Variants in ASPRV1 observed in about 807,000 individuals in gnomAD.
ASPRV1 encodes retroviral-like aspartic protease 1.
ASPRV1 carries 7 observed loss-of-function variants against 11.0 expected under a neutral mutation model. The ratio of observed to expected loss-of-function variants is 0.64; its 90% CI spans 0.36 to 1.20. The LOEUF (loss-of-function observed/expected upper bound fraction) is 1.20, where lower values mean the gene tolerates loss of function less well. ASPRV1 is among the 50% of genes most tolerant of loss of function. The probability of loss-of-function intolerance (pLI) is 0.02; values close to 1 mark genes in which losing one functional copy is unlikely to be tolerated. For synonymous variants in ASPRV1, 136 were observed against 138.4 expected, an observed-to-expected ratio of 0.98 and a Z score of 0.12; for missense variants, 299 against 320.0, an observed-to-expected ratio of 0.93 and a Z score of 0.50.
the ASPRV1 span, among the ~76,000 whole-genome samples, chr2:69,982,190 C>T: frequency 2.0e-5 from 3 of 151,842 alleles, no homozygotes; most frequent in African/African-American, 4.8e-5. Flanking sequence ...TAAATCTCTT[C>T]TATTAAGGCT....
At chr2:70,076,200 C>G in the ASPRV1 span, among the ~76,000 whole-genome samples, 66 of 152,304 alleles carry the variant, frequency 4.3e-4, no homozygotes, top group Middle Eastern at 0.017. Context: ...CCCCTACACT[C>G]AAGTTTGACA....
the ASPRV1 span, among the ~76,000 whole-genome samples, chr2:70,078,865 T>C: frequency 5.3e-5 from 8 of 152,242 alleles, no homozygotes; most frequent in Admixed American, 2.0e-4. Context: ...TAAAATTAGA[T>C]TGAGGGGGCA....
the ASPRV1 span, among the ~76,000 whole-genome samples, chr2:69,982,448 C>A: frequency 6.6e-6 from 1 of 152,014 alleles, no homozygotes; most frequent in Admixed American, 6.6e-5. Context: ...AGAGCAAAAC[C>A]CTGTCTCAAA....
the ASPRV1 span, among the ~76,000 whole-genome samples, chr2:70,028,845 G>A: frequency 1.3e-5 from 2 of 152,178 alleles, no homozygotes; most frequent in South Asian, 2.1e-4. Context: ...GGGAGGCTGA[G>A]GCAGGAGAAT....
the ASPRV1 span, among the ~76,000 whole-genome samples, chr2:69,989,437 G>A: frequency 1.3e-5 from 2 of 152,220 alleles, no homozygotes; most frequent in East Asian, 1.9e-4. Flanking sequence ...AGGGGTGCAC[G>A]TACATGGGGG....
At chr2:69,991,787 C>T in the ASPRV1 span, among the ~76,000 whole-genome samples, 1 of 152,186 alleles carries the variant, frequency 6.6e-6, no homozygotes, top group East Asian at 1.9e-4. Context: ...CTCAGGCAAT[C>T]CGCCCACCTC....
At chr2:69,986,813 G>A in the ASPRV1 span, among the ~76,000 whole-genome samples, 2 of 152,204 alleles carry the variant, frequency 1.3e-5, no homozygotes, top group African/African-American at 4.8e-5. Context: ...GTCTCACTGT[G>A]AGCCAGGAGA....
chr2:70,054,649 GA>G, the ASPRV1 span, among the ~76,000 whole-genome samples: 1 of 152,054 alleles, frequency 6.6e-6, no homozygotes, highest in Non-Finnish European at 1.5e-5. Flanking sequence ...CATGGAACAG[GA>G]AAACAGAGAT....
chr2:69,996,214 CA>C, the ASPRV1 span, among the ~76,000 whole-genome samples: 905 of 53,852 alleles, frequency 0.017, 2 homozygotes, highest in African/African-American at 0.06. Context: ...CCCCATCTCT[CA>C]AAAAAAAAAA....
chr2:70,025,563 T>C, the ASPRV1 span, among the ~76,000 whole-genome samples: 1 of 151,866 alleles, frequency 6.6e-6, no homozygotes, highest in African/African-American at 2.4e-5. Flanking sequence ...CAACAGAGAG[T>C]TGGGTTTATG....
At chr2:70,024,066 C>G in the ASPRV1 span, among the ~76,000 whole-genome samples, 1 of 90,676 alleles carries the variant, frequency 1.1e-5, no homozygotes, top group African/African-American at 4.4e-5. Context: ...ACCTGGCCAA[C>G]AAAGCAAAAT....
chr2:70,019,639 T>C, the ASPRV1 span, among the ~76,000 whole-genome samples: 1 of 152,212 alleles, frequency 6.6e-6, no homozygotes, highest in Non-Finnish European at 1.5e-5. Flanking sequence ...GAGGATACTA[T>C]GTCAAGTGAA....
chr2:69,934,027 G>A, the ASPRV1 span, among the ~76,000 whole-genome samples: 1 of 152,350 alleles, frequency 6.6e-6, no homozygotes, highest in Middle Eastern at 3.4e-3. Context: ...GAAGCTTAAA[G>A]TCTAGTTGAA....
Position 69,960,927 on chromosome 2 carries a change from C to A in ASPRV1, c.510G>T (p.Leu170=). 1 of 1,614,092 alleles carries A rather than the reference C, an allele frequency of 6.2e-7. No individual in the cohort carries two copies. Residue 170 remains leucine (L), a synonymous_variant, in exon 1 of 1, where the codon CTG becomes CTT. Transcript: ENST00000320256. ...KVANGAEMKI[L]GVWDTAVSLG... ...GGGACACCGCTGTATCCCAGACACC[C>A]AGGATCTTCATTTCAGCACCATTGG...
At chr2:70,009,484 C>G in the ASPRV1 span, among the ~76,000 whole-genome samples, 1 of 152,060 alleles carries the variant, frequency 6.6e-6, no homozygotes, top group South Asian at 2.1e-4. Flanking sequence ...CATGCACCAC[C>G]ATGCCCAGCT....
the ASPRV1 span, among the ~76,000 whole-genome samples, chr2:70,009,191 G>A: frequency 6.6e-6 from 1 of 152,136 alleles, no homozygotes; most frequent in African/African-American, 2.4e-5. Flanking sequence ...CTGTATGGTA[G>A]GCTTTAGGAT....
At chr2:69,948,026 C>A in the ASPRV1 span, among the ~76,000 whole-genome samples, 7,731 of 151,296 alleles carry the variant, frequency 0.051, 661 homozygotes, top group African/African-American at 0.18. Flanking sequence ...AGCTTTGAAT[C>A]GGATGTTACA....
the ASPRV1 span, among the ~76,000 whole-genome samples, chr2:69,953,702 TTTTC>T: frequency 2.1e-5 from 3 of 140,342 alleles, no homozygotes; most frequent in African/African-American, 8.6e-5. Context: ...TTTTCTTTTT[TTTTC>T]TTTTTTTTCT....
the ASPRV1 span, among the ~76,000 whole-genome samples, chr2:70,043,868 G>T: frequency 2.0e-5 from 3 of 152,178 alleles, no homozygotes; most frequent in Non-Finnish European, 4.4e-5. Flanking sequence ...GAACATGCTG[G>T]TGGGCTATCT....
Sources: allele counts gnomAD v4.1 joint callset (sites outside exome capture counted in the v4.1 genomes callset), GRCh38; gene constraint gnomAD v4.1.1; transcripts MANE v1.5; gene names NCBI Gene and HGNC (gene_info 2026-07-23, HGNC 2026-07-21).